GJA3: variants seen among roughly 807,000 people sequenced by gnomAD.
The protein encoded by GJA3 is gap junction alpha-3 protein.
For missense variants in GJA3, 571 were observed against 620.3 expected (o/e 0.92, Z 0.84); for synonymous variants, 297 against 292.6 (o/e 1.02, Z -0.15).
At chr13:20,157,996 G>A (rs1298888454) in intron 1 of GJA3, among the ~76,000 whole-genome samples, 2 of 151,408 alleles carry the variant, frequency 1.3e-5, no homozygotes, top group African/African-American at 4.9e-5. Flanking sequence ...ACCACACTGG[G>A]CTAATTTTAT....
At chr13:20,154,632 T>A (rs1445665739) in intron 1 of GJA3, among the ~76,000 whole-genome samples, 1 of 152,260 alleles carries the variant, frequency 6.6e-6, no homozygotes, top group Admixed American at 6.5e-5. Flanking sequence ...CTGACTTTAA[T>A]ATGAATGCTT....
chr13:20,144,644 A>G (rs948445359), intron 1 of GJA3, among the ~76,000 whole-genome samples: 2 of 152,178 alleles, frequency 1.3e-5, no homozygotes, highest in Non-Finnish European at 2.9e-5. Flanking sequence ...TGTGTACAAC[A>G]GGGACCACGG....
At chr13:20,158,562 G>A (rs771502127) in intron 1 of GJA3, among the ~76,000 whole-genome samples, 1 of 151,854 alleles carries the variant, frequency 6.6e-6, no homozygotes, top group Non-Finnish European at 1.5e-5. Flanking sequence ...ACACATAAGA[G>A]TGTGGAAACT....
At chr13:20,149,215 T>G (rs1958862040) in intron 1 of GJA3, among the ~76,000 whole-genome samples, 2 of 152,156 alleles carry the variant, frequency 1.3e-5, no homozygotes, top group Non-Finnish European at 2.9e-5. Context: ...AGGAATGATC[T>G]CGGTGCAGTA....
chr13:20,145,890 C>T (rs1409265229), intron 1 of GJA3, among the ~76,000 whole-genome samples: 1 of 152,168 alleles, frequency 6.6e-6, no homozygotes, highest in Non-Finnish European at 1.5e-5. Flanking sequence ...CCAGCAGGCT[C>T]CCTCCATCCT....
rs551109414 is a variant in GJA3, at chr13:20,146,831, A to G, written c.-17-3526T>C. Among the ~76,000 whole-genome samples the G allele has an allele frequency of 4.7e-4, 72 of 152,336 alleles. 1 individual carries two copies. Among genetic ancestry groups the G allele is most frequent in the Non-Finnish European group, 7.8e-4 (53 of 68,034 alleles). On this transcript the variant is annotated intron_variant, in intron 1 of 1. Coordinates refer to ENST00000241125, the MANE Select transcript of GJA3 (RefSeq NM_021954.4). The stretch of plus-strand genomic sequence containing the variant: ...GCATATTGTGATGTTACCCATAAGG[A>G]ATGACTGGAAACAGAAATGTCTGGT...
chr13:20,142,448 G>A lies in GJA3; in HGVS notation c.841C>T (p.Gln281Ter). Reference sequence around the variant, plus strand: ...CCGGGGTAGCCCACGGCGCGGGCCTGTCCCAGGGGCGCAGCGGTGTGCGCA... The same window carrying A: ...CCGGGGTAGCCCACGGCGCGGGCCTATCCCAGGGGCGCAGCGGTGTGCGCA... ...YYAHTAAPLGQARAVGYPGAP... is the reference protein window; with the variant it reads ...YYAHTAAPLG Residue 281 changes from glutamine (Q) to a stop codon, truncating the protein, a stop_gained, in exon 2 of 2, where the codon CAG becomes TAG. Transcript: ENST00000241125. LOFTEE classifies it low-confidence loss of function (END_TRUNC). The A allele has an allele frequency of 6.6e-7, 1 of 1,523,492 alleles. No homozygotes were observed. The highest frequency in any genetic ancestry group is 8.8e-7 in the Non-Finnish European group (1 of 1,134,720). 94.4% of individuals were successfully genotyped at this position (1,523,492 alleles called of 1,614,324 possible).
At chr13:20,151,757 G>A (rs1212611606) in intron 1 of GJA3, among the ~76,000 whole-genome samples, 1 of 152,152 alleles carries the variant, frequency 6.6e-6, no homozygotes, top group Non-Finnish European at 1.5e-5. Flanking sequence ...GATGGGAAGA[G>A]AACCCGGGCT....
At position 20,138,749 on chromosome 13, in the gene GJA3, A is replaced by T. The variant is rs1958790840; in HGVS notation, c.*3232T>A. ...CATGCAATACTCTCTATAAGTATTTATTTTGGTGGAGATTCATGAATTAGT... is the reference window on the plus strand; with the variant it reads ...CATGCAATACTCTCTATAAGTATTTTTTTTGGTGGAGATTCATGAATTAGT... On this transcript the variant is annotated 3_prime_UTR_variant, in exon 2 of 2. Coordinates refer to ENST00000241125, the MANE Select transcript of GJA3 (RefSeq NM_021954.4). 6.6e-6 allele frequency: 1 copy of T among 152,222 alleles called. No individual in the cohort carries two copies. 9.4% of individuals were successfully genotyped at this position (152,222 alleles called of 1,614,324 possible). A position where few individuals can be genotyped will look rare whatever the true frequency, so the allele number is the denominator to read the frequency against.
Position 20,142,720 on chromosome 13 carries a change from A to C in GJA3, c.569T>G (p.Val190Gly), listed in dbSNP as rs1004729677. Residue 190 changes from valine to glycine, a missense_variant, in exon 2 of 2, where the codon GTG becomes GGG. Physicochemically the swap from Val to Gly is moderately radical, Grantham distance 109. Transcript: ENST00000241125. ...CGTGGGCCTGGAGATGAAGCAGTCCACCGTGTTGGGGCAGGGCCAGCGGTC... is the reference window on the plus strand; with the variant it reads ...CGTGGGCCTGGAGATGAAGCAGTCCCCCGTGTTGGGGCAGGGCCAGCGGTC... Reference protein sequence around the residue: ...RCDRWPCPNTVDCFISRPTEK... With the variant: ...RCDRWPCPNTGDCFISRPTEK... 5 of 1,613,740 alleles carry C rather than the reference A, an allele frequency of 3.1e-6. No individual in the cohort carries two copies. In the African/African-American group the frequency reaches 6.7e-5, roughly 22 times the overall value.
In GJA3 at chr13:20,142,664, C is replaced by T. The variant is rs373316662; in HGVS notation, c.625G>A (p.Ala209Thr). 6.2e-7 allele frequency: 1 copy of T among 1,613,780 alleles called. No homozygotes were observed. The highest frequency in any genetic ancestry group is 1.3e-5 in the African/African-American group (1 of 74,932). Residue 209 changes from alanine to threonine, a missense_variant, in exon 2 of 2, where the codon GCG becomes ACG. Transcript: ENST00000241125. ...AGCAGCAGGGACGCGCAGGCCACCG[C>T]CAGCATGAAGATGATGAAGATGGTC... The part of the protein sequence containing the change: ...EKTIFIIFML[A>T]VACASLLLNM...
chr13:20,151,587 A>G (rs1041841459), intron 1 of GJA3, among the ~76,000 whole-genome samples: 20 of 152,070 alleles, frequency 1.3e-4, no homozygotes, highest in African/African-American at 4.8e-4. Flanking sequence ...GCCAGAGCAG[A>G]CCGGGGCTCC....
intron 1 of GJA3, among the ~76,000 whole-genome samples, chr13:20,155,720 TAATA>T (rs1259713572): frequency 6.6e-6 from 1 of 151,768 alleles, no homozygotes; most frequent in Non-Finnish European, 1.5e-5. Flanking sequence ...GCCATATTCA[TAATA>T]TATAGAATAA....
rs971353418 is a variant in GJA3, at chr13:20,159,510, G to A, written c.-18+1380C>T. Among the ~76,000 whole-genome samples the A allele has an allele frequency of 2.2e-5, 3 of 137,678 alleles. 1 individual carries two copies. The highest frequency in any genetic ancestry group is 3.1e-5 in the Non-Finnish European group (2 of 65,140). The allele number at this position is 137,678 out of a possible 152,430, so 90.3% of individuals were successfully genotyped here. A position where few individuals can be genotyped will look rare whatever the true frequency, so the allele number is the denominator to read the frequency against. Reference sequence around the variant, plus strand: ...AAGGCTGCGATAAACGTAATTTTTCGTTTCAAATGTAGTGTGTACACGTTA... The same window carrying A: ...AAGGCTGCGATAAACGTAATTTTTCATTTCAAATGTAGTGTGTACACGTTA... On this transcript the variant is annotated intron_variant, in intron 1 of 1. Transcript: ENST00000241125.
At chr13:20,151,529 C>T (rs1345677771) in intron 1 of GJA3, among the ~76,000 whole-genome samples, 1 of 152,130 alleles carries the variant, frequency 6.6e-6, no homozygotes. Flanking sequence ...ACTCCCGATA[C>T]CCCGGAGAAG....
chr13:20,155,211 C>G (rs143999554), intron 1 of GJA3, among the ~76,000 whole-genome samples: 1 of 152,092 alleles, frequency 6.6e-6, no homozygotes, highest in African/African-American at 2.4e-5. Flanking sequence ...ACTTTATTTT[C>G]GATTCTTATA....
Position 20,149,685 on chromosome 13 carries a change from T to G in GJA3, c.-17-6380A>C, listed in dbSNP as rs116396526. ...TCAGCTGGGATTAGGAGTTGCAGTT[T>G]TGGATAAGAGGTGGGAGAAGGGAAT... On this transcript the variant is annotated intron_variant, in intron 1 of 1. Transcript: ENST00000241125. Among the ~76,000 whole-genome samples, 1,007 of 152,170 alleles carry G rather than the reference T, an allele frequency of 6.6e-3. 12 individuals carry two copies. The highest frequency in any genetic ancestry group is 0.023 in the African/African-American group (968 of 41,520).
At chr13:20,149,944 C>T (rs569452669) in intron 1 of GJA3, among the ~76,000 whole-genome samples, 1 of 152,296 alleles carries the variant, frequency 6.6e-6, no homozygotes, top group South Asian at 2.1e-4. Context: ...GAGGCAGGGC[C>T]TCAGGAACAG....
upstream of GJA3, among the ~76,000 whole-genome samples, chr13:20,161,473 C>T (rs1958937919): frequency 1.3e-5 from 2 of 152,126 alleles, no homozygotes; most frequent in Non-Finnish European, 2.9e-5. Flanking sequence ...GGTAGCTGCT[C>T]TCCGGGCGCT....
Sources: gnomAD v4.1 joint callset for allele counts (sites outside exome capture counted in the v4.1 genomes callset) on GRCh38, gnomAD v4.1.1 for gene constraint, MANE v1.5 for transcripts, NCBI Gene and HGNC (gene_info 2026-07-23, HGNC 2026-07-21) for gene names.